ELOVL5: variants seen among roughly 807,000 people sequenced by gnomAD.
ELOVL5 encodes the protein ELOVL fatty acid elongase 5, also known as very long chain fatty acid elongase 5.
In ELOVL5, 8 loss-of-function variants were observed where a neutral mutation model predicts 38.6. The ratio of observed to expected loss-of-function variants is 0.21; its 90% CI spans 0.12 to 0.37. ELOVL5 has a LOEUF of 0.37. ELOVL5 is among the 10% of genes least tolerant of loss of function. The pLI is 1.00. For synonymous variants in ELOVL5, 127 were observed against 133.7 expected (o/e 0.95, Z 0.34); for missense variants, 280 against 367.8 (o/e 0.76, Z 1.95).
chr6:53,337,993 T>C (rs888724762), intron 1 of ELOVL5, among the ~76,000 whole-genome samples: 1 of 152,180 alleles, frequency 6.6e-6, no homozygotes. Context: ...TGCTCCTGAC[T>C]ACGTTGGCCA....
chr6:53,348,424 G>T (rs1582012449), intron 1 of ELOVL5, among the ~76,000 whole-genome samples: 1 of 152,154 alleles, frequency 6.6e-6, no homozygotes, highest in Non-Finnish European at 1.5e-5. Flanking sequence ...GCGCGCTCCG[G>T]CCCGCAGGGC....
chr6:53,323,580 T>TA (rs1170640814), intron 1 of ELOVL5, among the ~76,000 whole-genome samples: 79 of 137,270 alleles, frequency 5.8e-4, no homozygotes, highest in Non-Finnish European at 1.0e-3. Context: ...AGCCAGCTTT[T>TA]TTTTTTTTTT....
At chr6:53,300,813 T>A (rs1767220305) in intron 1 of ELOVL5, among the ~76,000 whole-genome samples, 2 of 152,210 alleles carry the variant, frequency 1.3e-5, no homozygotes. Flanking sequence ...TTCAGAGAGC[T>A]TGTGGCCAAC....
At chr6:53,334,946 A>C (rs1468411131) in intron 1 of ELOVL5, among the ~76,000 whole-genome samples, 1 of 152,202 alleles carries the variant, frequency 6.6e-6, no homozygotes, top group African/African-American at 2.4e-5. Flanking sequence ...GACATAAAGG[A>C]AAGAGTTAGA....
At chr6:53,272,745 C>T (rs942752320) in intron 6 of ELOVL5, among the ~76,000 whole-genome samples, 1 of 152,134 alleles carries the variant, frequency 6.6e-6, no homozygotes, top group Non-Finnish European at 1.5e-5. Flanking sequence ...AACAGGTGCT[C>T]CACTGCATGG....
chr6:53,312,186 G>A (rs1445426719), intron 1 of ELOVL5, among the ~76,000 whole-genome samples: 1 of 152,160 alleles, frequency 6.6e-6, no homozygotes, highest in Admixed American at 6.5e-5. Flanking sequence ...TAATTCAAAT[G>A]AAGCTATTGG....
intron 1 of ELOVL5, among the ~76,000 whole-genome samples, chr6:53,336,598 G>A (rs577415787): frequency 1.8e-4 from 27 of 152,298 alleles, no homozygotes; most frequent in African/African-American, 6.5e-4. Context: ...GAAATTTGAG[G>A]CTGCAATGAG....
At chr6:53,343,721 A>T (rs1769424719) in intron 1 of ELOVL5, among the ~76,000 whole-genome samples, 2 of 152,254 alleles carry the variant, frequency 1.3e-5, no homozygotes, top group South Asian at 4.1e-4. Flanking sequence ...ATTCTATACA[A>T]GAATGAGGCA....
intron 1 of ELOVL5, among the ~76,000 whole-genome samples, chr6:53,305,227 C>T (rs574253112): frequency 2.1e-5 from 3 of 145,226 alleles, no homozygotes; most frequent in Admixed American, 6.8e-5. Flanking sequence ...CCCTCCCGGA[C>T]GGGGCGGCTG....
At chr6:53,321,270 G>T (rs78676647) in intron 1 of ELOVL5, among the ~76,000 whole-genome samples, 3 of 152,330 alleles carry the variant, frequency 2.0e-5, no homozygotes, top group East Asian at 1.9e-4. Flanking sequence ...CACAAGCAGG[G>T]TCAGTCCTGC....
Position 53,293,735 on chromosome 6 carries a change from TGTCA to T in ELOVL5, c.59-1776_59-1773del, listed in dbSNP as rs533007384. Among the ~76,000 whole-genome samples the T allele has an allele frequency of 3.6e-4, 55 of 152,334 alleles. 1 individual carries two copies. Among genetic ancestry groups the T allele is most frequent in the Admixed American group, 2.2e-3 (34 of 15,298 alleles). ...TAAAGCATATGTCCACGTGGGGAAC[TGTCA>T]GTCAGTCTTCCTTTCTTGCACTGTA... On this transcript the variant is annotated intron_variant, in intron 2 of 7. Coordinates refer to ENST00000304434, the MANE Select transcript of ELOVL5 (RefSeq NM_021814.5).
chr6:53,320,350 T>G (rs1217636977), intron 1 of ELOVL5, among the ~76,000 whole-genome samples: 1 of 151,456 alleles, frequency 6.6e-6, no homozygotes, highest in African/African-American at 2.4e-5. Context: ...TTTTTTTCTT[T>G]TTTTGAGACA....
intron 1 of ELOVL5, among the ~76,000 whole-genome samples, chr6:53,326,841 T>C (rs1768568828): frequency 6.6e-6 from 1 of 152,142 alleles, no homozygotes; most frequent in African/African-American, 2.4e-5. Context: ...AAGGTCTGCT[T>C]TCCCTCACCA....
chr6:53,293,039 G>C (rs907892146), intron 2 of ELOVL5, among the ~76,000 whole-genome samples: 6 of 152,070 alleles, frequency 3.9e-5, no homozygotes, highest in Admixed American at 2.0e-4. Flanking sequence ...CTTGGATGGC[G>C]GGAAACTCCT....
chr6:53,293,454 A>T (rs1475912120), intron 2 of ELOVL5, among the ~76,000 whole-genome samples: 1 of 152,150 alleles, frequency 6.6e-6, no homozygotes, highest in East Asian at 1.9e-4. Context: ...AGTAGCTGGG[A>T]CTATAGACAC....
intron 1 of ELOVL5, among the ~76,000 whole-genome samples, chr6:53,296,165 T>C (rs1343261139): frequency 6.6e-6 from 1 of 152,046 alleles, no homozygotes; most frequent in African/African-American, 2.4e-5. Flanking sequence ...CAATTATTAT[T>C]TTACAGTACT....
At chr6:53,295,533 A>C in intron 2 of ELOVL5, 109 bp downstream of exon 2, 1 of 765,608 alleles carries the variant, frequency 1.3e-6, no homozygotes, top group Non-Finnish European at 2.1e-6. Context: ...TTTTAGACTT[A>C]TCATAGAAAA....
intron 1 of ELOVL5, among the ~76,000 whole-genome samples, chr6:53,346,394 GCTC>G (rs1461388939): frequency 1.3e-5 from 2 of 152,064 alleles, no homozygotes; most frequent in Non-Finnish European, 2.9e-5. Flanking sequence ...TCTTCATAGT[GCTC>G]CTCAATTCTT....
chr6:53,346,114 A>G (rs1438479523), intron 1 of ELOVL5, among the ~76,000 whole-genome samples: 1 of 151,846 alleles, frequency 6.6e-6, no homozygotes, highest in Non-Finnish European at 1.5e-5. Context: ...CCCTGTGTCC[A>G]TGTGTTCTCA....
Sources: allele counts gnomAD v4.1 joint callset (sites outside exome capture counted in the v4.1 genomes callset), GRCh38; gene constraint gnomAD v4.1.1; transcripts MANE v1.5; gene names NCBI Gene and HGNC (gene_info 2026-07-23, HGNC 2026-07-21).